The following SGCZ variants were observed in gnomAD, a reference collection of about 807,000 sequenced individuals.
SGCZ encodes sarcoglycan zeta.
Under a neutral mutation model 41.3 loss-of-function variants are expected in SGCZ, and 40 were observed. That is an observed-to-expected ratio of 0.97 (90% CI 0.75 to 1.26). The LOEUF is 1.26. Ranked by LOEUF, SGCZ falls within the 50% of genes most tolerant of loss-of-function variation. The pLI is 0.00. For synonymous variants in SGCZ, 206 were observed against 137.5 expected, an observed-to-expected ratio of 1.50 and a Z score of -3.49; for missense variants, 552 against 369.8, an observed-to-expected ratio of 1.49 and a Z score of -4.04.
chr8:14,150,246 C>T (rs1216397989), intron 5 of SGCZ, among the ~76,000 whole-genome samples: 2 of 151,972 alleles, frequency 1.3e-5, no homozygotes, highest in Non-Finnish European at 2.9e-5. Context: ...AAGAGAAAAC[C>T]CACAAACTGG....
At chr8:14,108,769 G>A (rs1585141763) in intron 5 of SGCZ, among the ~76,000 whole-genome samples, 1 of 152,034 alleles carries the variant, frequency 6.6e-6, no homozygotes, top group Admixed American at 6.6e-5. Flanking sequence ...GTCAATCAAG[G>A]TAAATCTAAA....
intron 1 of SGCZ, among the ~76,000 whole-genome samples, chr8:14,581,134 G>A (rs2117258303): frequency 6.6e-6 from 1 of 152,250 alleles, no homozygotes; most frequent in East Asian, 1.9e-4. Flanking sequence ...TTGAGACAGT[G>A]TCTCGTTCTG....
Position 14,127,757 on chromosome 8 carries a change from G to A in SGCZ, c.548-19522C>T, listed in dbSNP as rs139165095. The stretch of plus-strand genomic sequence containing the variant: ...ATGCATGAGCCACCGCGCCTGGCCT[G>A]TTTTAGAATTTTTTAACTTTTATTT... On this transcript the variant is annotated intron_variant, in intron 5 of 7. Transcript: ENST00000382080. 4.9e-3 allele frequency among the ~76,000 whole-genome samples: 746 copies of A among 152,094 alleles called. 6 individuals are homozygous for A. Among genetic ancestry groups the A allele is most frequent in the African/African-American group, 0.017 (708 of 41,528 alleles).
chr8:14,865,858 A>G (rs1803913625), intron 1 of SGCZ, among the ~76,000 whole-genome samples: 1 of 151,988 alleles, frequency 6.6e-6, no homozygotes, highest in South Asian at 2.1e-4. Flanking sequence ...CAAATAATCA[A>G]CCCTTAATTT....
chr8:15,048,750 A>G (rs1003198562), intron 1 of SGCZ, among the ~76,000 whole-genome samples: 3 of 152,128 alleles, frequency 2.0e-5, no homozygotes, highest in Non-Finnish European at 4.4e-5. Context: ...AATGTCAAAT[A>G]ATCCATATGC....
intron 1 of SGCZ, among the ~76,000 whole-genome samples, chr8:14,697,336 C>T (rs1808996434): frequency 6.6e-6 from 1 of 151,980 alleles, no homozygotes; most frequent in East Asian, 1.9e-4. Context: ...CTAATCATAC[C>T]TATCTCATTA....
chr8:14,552,733 C>T (rs1200565776), intron 2 of SGCZ, among the ~76,000 whole-genome samples: 1 of 151,984 alleles, frequency 6.6e-6, no homozygotes, highest in Non-Finnish European at 1.5e-5. Context: ...GCTTATCCAG[C>T]CTTGGTGTCA....
intron 1 of SGCZ, among the ~76,000 whole-genome samples, chr8:15,051,995 A>C (rs888941800): frequency 6.6e-6 from 1 of 152,188 alleles, no homozygotes; most frequent in Admixed American, 6.5e-5. Context: ...ATCATTGAGA[A>C]TGTTGAAGTC....
chr8:15,085,588 G>A (rs1383618679), intron 1 of SGCZ, among the ~76,000 whole-genome samples: 1 of 152,076 alleles, frequency 6.6e-6, no homozygotes, highest in African/African-American at 2.4e-5. Flanking sequence ...CTGACAGCTT[G>A]GCCATGGCAA....
rs1303418590 is a variant in SGCZ at position 15,113,212 on chromosome 8, A to AC, written c.39+124372_39+124373insG. On this transcript the variant is annotated intron_variant, in intron 1 of 7. Coordinates refer to ENST00000382080, the MANE Select transcript of SGCZ (RefSeq NM_139167.4). The stretch of plus-strand genomic sequence containing the variant: ...CAAGAGAGCGAGACCTGGCTCAAAA[A>AC]AAAAAAAAAACAAAAAGAAAACCAA... Among the ~76,000 whole-genome samples, 2 of 151,982 alleles carry AC rather than the reference A, an allele frequency of 1.3e-5. 1 individual carries two copies. Among genetic ancestry groups the AC allele is most frequent in the Middle Eastern group, 6.8e-3 (2 of 294 alleles).
At chr8:15,134,837 CT>C (rs976089829) in intron 1 of SGCZ, among the ~76,000 whole-genome samples, 1 of 151,938 alleles carries the variant, frequency 6.6e-6, no homozygotes, top group Admixed American at 6.6e-5. Context: ...TATGAGTATG[CT>C]TTTTTTTGAT....
intron 2 of SGCZ, among the ~76,000 whole-genome samples, chr8:14,466,960 G>GAAGAACA (rs1801068744): frequency 1.3e-5 from 2 of 151,590 alleles, no homozygotes; most frequent in African/African-American, 4.8e-5. Context: ...TTCAAGAACA[G>GAAGAACA]TTTTTTTTAT....
At chr8:14,653,263 A>T (rs112390359) in intron 1 of SGCZ, among the ~76,000 whole-genome samples, 1 of 152,092 alleles carries the variant, frequency 6.6e-6, no homozygotes, top group East Asian at 1.9e-4. Context: ...TTGAGGCAGT[A>T]ACAAGCCAAT....
intron 2 of SGCZ, among the ~76,000 whole-genome samples, chr8:14,455,551 A>G (rs1225165083): frequency 6.6e-6 from 1 of 152,108 alleles, no homozygotes; most frequent in Admixed American, 6.6e-5. Context: ...GATTAGGTAG[A>G]TAGATAGATC....
chr8:14,430,515 C>T (rs996705830), intron 2 of SGCZ, among the ~76,000 whole-genome samples: 1 of 152,130 alleles, frequency 6.6e-6, no homozygotes. Context: ...CGAAAACTCT[C>T]AGCAAAATCT....
rs1023139435 is a variant in SGCZ, at chr8:14,089,471, T to A, written c.*972A>T. ...CATTATGCATCATATTAGTATTATT[T>A]ATTTAGAAGATGTTTGAATTTTAGC... On this transcript the variant is annotated 3_prime_UTR_variant, in exon 8 of 8. Coordinates refer to ENST00000382080, the MANE Select transcript of SGCZ (RefSeq NM_139167.4). Among the ~76,000 whole-genome samples, 1 of 151,998 alleles carries A rather than the reference T, an allele frequency of 6.6e-6. No individual in the cohort carries two copies. The highest frequency in any genetic ancestry group is 1.5e-5 in the Non-Finnish European group (1 of 67,948).
At chr8:14,638,550 A>G (rs985478576) in intron 1 of SGCZ, among the ~76,000 whole-genome samples, 12 of 151,770 alleles carry the variant, frequency 7.9e-5, no homozygotes, top group Admixed American at 2.6e-4. Context: ...TCCTTAGCAT[A>G]TTGTTATCTT....
chr8:14,514,058 G>GT (rs1284962246), intron 2 of SGCZ, among the ~76,000 whole-genome samples: 1 of 152,058 alleles, frequency 6.6e-6, no homozygotes, highest in Non-Finnish European at 1.5e-5. Flanking sequence ...CACTGTAGGA[G>GT]TTGCATTGGT....
chr8:15,130,302 C>A (rs1050522693), intron 1 of SGCZ, among the ~76,000 whole-genome samples: 3 of 152,132 alleles, frequency 2.0e-5, no homozygotes, highest in African/African-American at 7.2e-5. Context: ...GGGGAAGCCA[C>A]TTGACGGGAA....
Sources: gnomAD v4.1 joint callset for allele counts (sites outside exome capture counted in the v4.1 genomes callset) on GRCh38, gnomAD v4.1.1 for gene constraint, MANE v1.5 for transcripts, NCBI Gene and HGNC (gene_info 2026-07-23, HGNC 2026-07-21) for gene names.